Variants in ZCCHC7 observed in about 807,000 individuals in gnomAD.
The protein encoded by ZCCHC7 is zinc finger CCHC domain-containing protein 7.
ZCCHC7 carries 35 observed loss-of-function variants against 52.0 expected under a neutral mutation model. The ratio of observed to expected loss-of-function variants is 0.67; its 90% CI spans 0.51 to 0.89. The LOEUF is 0.89. ZCCHC7 is among the 40% of genes least tolerant of loss of function. The pLI, the probability that ZCCHC7 is intolerant of heterozygous loss-of-function variation, is 0.00. For missense variants in ZCCHC7, 574 were observed against 649.1 expected (o/e 0.88, Z 1.26); for synonymous variants, 217 against 221.5 (o/e 0.98, Z 0.18).
At chr9:37,124,105 G>C (rs1842440671) in intron 1 of ZCCHC7, among the ~76,000 whole-genome samples, 1 of 152,180 alleles carries the variant, frequency 6.6e-6, no homozygotes, top group Non-Finnish European at 1.5e-5. Flanking sequence ...TTTTTGGGCA[G>C]AAATTTGGGA....
intron 2 of ZCCHC7, among the ~76,000 whole-genome samples, chr9:37,143,164 C>T (rs755087204): frequency 4.6e-5 from 7 of 151,658 alleles, no homozygotes; most frequent in Non-Finnish European, 8.9e-5. Flanking sequence ...TTGAAACTCT[C>T]GTTTTGTAGG....
At chr9:37,162,690 G>T (rs1202797297) in intron 2 of ZCCHC7, among the ~76,000 whole-genome samples, 1 of 152,136 alleles carries the variant, frequency 6.6e-6, no homozygotes, top group Non-Finnish European at 1.5e-5. Context: ...TACAACTCTT[G>T]GTATGGATAG....
intron 2 of ZCCHC7, among the ~76,000 whole-genome samples, chr9:37,130,562 G>C (rs149124863): frequency 2.0e-5 from 3 of 149,048 alleles, no homozygotes; most frequent in African/African-American, 7.4e-5. Flanking sequence ...GCATGATCTC[G>C]GCTCACTGCA....
chr9:37,250,648 C>G (rs1043365107), intron 2 of ZCCHC7, among the ~76,000 whole-genome samples: 2 of 152,156 alleles, frequency 1.3e-5, no homozygotes, highest in Non-Finnish European at 2.9e-5. Flanking sequence ...ATTGGCCATT[C>G]CTTGAATAAG....
At chr9:37,339,982 G>A (rs926639682) in intron 6 of ZCCHC7, among the ~76,000 whole-genome samples, 1 of 152,128 alleles carries the variant, frequency 6.6e-6, no homozygotes, top group African/African-American at 2.4e-5. Flanking sequence ...AGGACACTGA[G>A]GCAGCTCTAG....
intron 5 of ZCCHC7, among the ~76,000 whole-genome samples, chr9:37,322,733 C>A (rs968505214): frequency 6.7e-6 from 1 of 150,088 alleles, no homozygotes; most frequent in Non-Finnish European, 1.5e-5. Flanking sequence ...CTAATAAAAT[C>A]TGTATTTTAT....
chr9:37,344,971 C>G (rs550972917), intron 6 of ZCCHC7, among the ~76,000 whole-genome samples: 1 of 152,320 alleles, frequency 6.6e-6, no homozygotes, highest in East Asian at 1.9e-4. Flanking sequence ...TACTTGTCCC[C>G]TTCCCTTCTT....
At chr9:37,261,409 G>C (rs1826861885) in intron 2 of ZCCHC7, among the ~76,000 whole-genome samples, 1 of 152,200 alleles carries the variant, frequency 6.6e-6, no homozygotes, top group South Asian at 2.1e-4. Context: ...GTAAAATGCT[G>C]TCTTCAATGA....
chr9:37,163,399 AAAAAAG>A (rs1821224015), intron 2 of ZCCHC7, among the ~76,000 whole-genome samples: 1 of 151,592 alleles, frequency 6.6e-6, no homozygotes, highest in African/African-American at 2.4e-5. Context: ...AAAAAAAAAA[AAAAAAG>A]AAAAGAAAAA....
rs1380880208 is a variant in ZCCHC7, at chr9:37,357,224, A to C, written c.1588A>C (p.Asn530His). The change falls in exon 9 of 9, where the codon AAT becomes CAT. Residue 530 changes from asparagine to histidine, a missense_variant. Transcript: ENST00000336755. ...GGAGAGGTGCTGGGAAGATGATGAC[A>C]ATGATAACTTATTTCTTATTAAGCA... ...KKERCWEDDD[N>H]DNLFLIKQRK... The C allele has an allele frequency of 1.9e-6, 3 of 1,608,948 alleles. No homozygotes were observed. The highest frequency in any genetic ancestry group is 4.5e-5 in the East Asian group (2 of 44,834).
Position 37,357,313 on chromosome 9 carries a change from C to G in ZCCHC7, c.*45C>G. On this transcript the variant is annotated 3_prime_UTR_variant, in exon 9 of 9. Transcript: ENST00000336755. The stretch of plus-strand genomic sequence containing the variant: ...TGTGGCTTTTCATTGTTCATTTGGC[C>G]TTTGTGTCTATAACCTTCTGGCACT... 1.3e-6 allele frequency: 2 copies of G among 1,522,384 alleles called. No homozygotes were observed. Among genetic ancestry groups the G allele is most frequent in the South Asian group, 2.7e-5 (2 of 75,296 alleles). 94.3% of individuals were successfully genotyped at this position (1,522,384 alleles called of 1,614,324 possible). A position where few individuals can be genotyped will look rare whatever the true frequency, so the allele number is the denominator to read the frequency against.
chr9:37,289,999 A>T (rs928625871), intron 2 of ZCCHC7, among the ~76,000 whole-genome samples: 4 of 152,216 alleles, frequency 2.6e-5, no homozygotes, highest in African/African-American at 7.2e-5. Flanking sequence ...GTAAAATTAT[A>T]ACCCGTACCC....
intron 2 of ZCCHC7, among the ~76,000 whole-genome samples, chr9:37,236,082 G>T (rs1825637606): frequency 2.0e-5 from 3 of 152,208 alleles, no homozygotes; most frequent in Admixed American, 2.0e-4. Context: ...TGGGATTGCT[G>T]GATCATATGG....
chr9:37,198,240 A>G (rs1365305905), intron 2 of ZCCHC7, among the ~76,000 whole-genome samples: 1 of 152,246 alleles, frequency 6.6e-6, no homozygotes. Flanking sequence ...TGAGATGAAT[A>G]GACCCAGCTA....
intron 2 of ZCCHC7, among the ~76,000 whole-genome samples, chr9:37,291,850 T>C (rs774031235): frequency 5.9e-5 from 9 of 152,028 alleles, no homozygotes; most frequent in Non-Finnish European, 1.3e-4. Context: ...TGTGCCACCA[T>C]ACCCGGCTAA....
intron 6 of ZCCHC7, among the ~76,000 whole-genome samples, chr9:37,338,793 T>TA (rs1172582307): frequency 7.9e-5 from 12 of 152,262 alleles, no homozygotes; most frequent in African/African-American, 2.9e-4. Context: ...GTTTTCTTTT[T>TA]AAACAGAGAA....
At chr9:37,240,469 T>C (rs1039905731) in intron 2 of ZCCHC7, among the ~76,000 whole-genome samples, 2 of 151,946 alleles carry the variant, frequency 1.3e-5, no homozygotes, top group Admixed American at 1.3e-4. Context: ...ATAAATCAAA[T>C]TTTACTTATA....
chr9:37,189,481 G>A (rs1822902893), intron 2 of ZCCHC7, among the ~76,000 whole-genome samples: 1 of 152,082 alleles, frequency 6.6e-6, no homozygotes, highest in South Asian at 2.1e-4. Context: ...CTGCTTCCTG[G>A]GCTCAAGCGA....
intron 2 of ZCCHC7, among the ~76,000 whole-genome samples, chr9:37,151,052 C>G (rs183468404): frequency 2.2e-4 from 33 of 151,230 alleles, no homozygotes; most frequent in Admixed American, 7.9e-4. Context: ...GCAAGCTCCG[C>G]CTCCCGGGTT....
Sources: allele counts gnomAD v4.1 joint callset (sites outside exome capture counted in the v4.1 genomes callset), GRCh38; gene constraint gnomAD v4.1.1; transcripts MANE v1.5; gene names NCBI Gene and HGNC (gene_info 2026-07-23, HGNC 2026-07-21).